The following LARGE1 variants were observed in gnomAD, a reference collection of about 807,000 sequenced individuals.
The protein encoded by LARGE1 is xylosyl- and glucuronyltransferase LARGE1.
Under a neutral mutation model 87.6 loss-of-function variants are expected in LARGE1, and 43 were observed. The observed-to-expected ratio is 0.49, with a 90% confidence interval of 0.38 to 0.63. The LOEUF (loss-of-function observed/expected upper bound fraction) is 0.63, where lower values mean the gene tolerates loss of function less well. Among genes scored for constraint, LARGE1 ranks in the 30% least tolerant of loss-of-function variants. The pLI is 0.00. For missense variants in LARGE1, 802 were observed against 1,000.2 expected (o/e 0.80, Z 2.67); for synonymous variants, 434 against 394.6 (o/e 1.10, Z -1.18).
intron 11 of LARGE1, among the ~76,000 whole-genome samples, chr22:33,202,105 TAAA>T (rs137449): frequency 1.4e-5 from 2 of 143,808 alleles, no homozygotes. Flanking sequence ...CACGGCATGA[TAAA>T]AAAAAAAAAA....
intron 6 of LARGE1, among the ~76,000 whole-genome samples, chr22:33,534,078 G>C (rs540244754): frequency 6.6e-6 from 1 of 152,136 alleles, no homozygotes; most frequent in East Asian, 1.9e-4. Flanking sequence ...TGAGTGTGTG[G>C]GTGGGCTTCT....
chr22:33,712,019 G>A (rs2082744530), intron 2 of LARGE1, among the ~76,000 whole-genome samples: 1 of 152,146 alleles, frequency 6.6e-6, no homozygotes. Flanking sequence ...ATAAAGGTAA[G>A]AGCTAACGTG....
At chr22:33,401,329 C>G (rs1412048761) in intron 7 of LARGE1, among the ~76,000 whole-genome samples, 1 of 152,212 alleles carries the variant, frequency 6.6e-6, no homozygotes, top group Admixed American at 6.6e-5. Context: ...TGAGGTCAGA[C>G]GGGTGACCAA....
At chr22:33,350,222 A>C (rs1056821829) in intron 9 of LARGE1, among the ~76,000 whole-genome samples, 6 of 152,146 alleles carry the variant, frequency 3.9e-5, no homozygotes, top group African/African-American at 1.4e-4. Context: ...ATGGGGGTAA[A>C]AACCAATTTG....
At chr22:33,749,155 C>A (rs1186212582) in intron 2 of LARGE1, among the ~76,000 whole-genome samples, 1 of 152,144 alleles carries the variant, frequency 6.6e-6, no homozygotes, top group Non-Finnish European at 1.5e-5. Context: ...GCTCTTGTTG[C>A]CCAGGCTGGA....
intron 9 of LARGE1, among the ~76,000 whole-genome samples, chr22:33,351,154 T>C (rs1050190324): frequency 6.6e-6 from 1 of 152,224 alleles, no homozygotes; most frequent in African/African-American, 2.4e-5. Flanking sequence ...GTGTAACCAG[T>C]GTCTAGCTCA....
the LARGE1 span, among the ~76,000 whole-genome samples, chr22:33,146,299 T>A: frequency 6.6e-6 from 1 of 152,186 alleles, no homozygotes; most frequent in Admixed American, 6.5e-5. Context: ...TTCAGACTGT[T>A]AGCTACTTAC....
At chr22:33,885,762 G>A (rs2064826631) in intron 1 of LARGE1, among the ~76,000 whole-genome samples, 1 of 152,174 alleles carries the variant, frequency 6.6e-6, no homozygotes, top group African/African-American at 2.4e-5. Flanking sequence ...CGGGCGTGGT[G>A]ACTCACACCT....
chr22:33,133,132 T>G, the LARGE1 span, among the ~76,000 whole-genome samples: 1 of 152,126 alleles, frequency 6.6e-6, no homozygotes, highest in South Asian at 2.1e-4. Flanking sequence ...ATGGAGAAAA[T>G]TTACTGGGTC....
chr22:33,072,724 A>G, the LARGE1 span, among the ~76,000 whole-genome samples: 12 of 152,238 alleles, frequency 7.9e-5, no homozygotes, highest in African/African-American at 2.9e-4. Flanking sequence ...AGCTTGGCAC[A>G]ATCTCATTCT....
chr22:33,131,486 C>T, the LARGE1 span, among the ~76,000 whole-genome samples: 1 of 152,130 alleles, frequency 6.6e-6, no homozygotes, highest in Admixed American at 6.5e-5. Context: ...GAGACTGAGT[C>T]ATTTATAAAG....
intron 3 of LARGE1, among the ~76,000 whole-genome samples, chr22:33,638,587 A>T (rs2080338260): frequency 6.6e-6 from 1 of 152,250 alleles, no homozygotes; most frequent in Admixed American, 6.5e-5. Context: ...ACAGAGCTTC[A>T]GTGCAATGGT....
chr22:33,546,829 C>T (rs2077372933), intron 6 of LARGE1, among the ~76,000 whole-genome samples: 1 of 152,118 alleles, frequency 6.6e-6, no homozygotes, highest in Non-Finnish European at 1.5e-5. Flanking sequence ...GGTTATCCGC[C>T]CACCTTGGCC....
At chr22:33,651,324 G>A (rs1247497951) in intron 2 of LARGE1, among the ~76,000 whole-genome samples, 9 of 144,262 alleles carry the variant, frequency 6.2e-5, no homozygotes, top group African/African-American at 1.3e-4. Flanking sequence ...CCCGGGAGGC[G>A]GAGCTTGCAG....
chr22:33,277,408 C>G (rs1303334080), intron 13 of LARGE1, among the ~76,000 whole-genome samples, 153 bp from the exon 14 acceptor site: 1 of 152,188 alleles, frequency 6.6e-6, no homozygotes, highest in Non-Finnish European at 1.5e-5. Context: ...GTCCTAACCC[C>G]CAGTACCTGT....
At chr22:33,365,328 C>T (rs1569097490) in intron 9 of LARGE1, among the ~76,000 whole-genome samples, 1 of 152,158 alleles carries the variant, frequency 6.6e-6, no homozygotes, top group African/African-American at 2.4e-5. Flanking sequence ...TGTATCCATA[C>T]ACACTCCTAT....
intron 4 of LARGE1, among the ~76,000 whole-genome samples, chr22:33,614,427 T>C (rs945058898): frequency 6.6e-6 from 1 of 152,190 alleles, no homozygotes; most frequent in Non-Finnish European, 1.5e-5. Flanking sequence ...CTTGCTCTAA[T>C]GTAATCACAC....
intron 6 of LARGE1, among the ~76,000 whole-genome samples, chr22:33,460,258 T>C (rs1401761416): frequency 1.3e-5 from 2 of 152,210 alleles, no homozygotes; most frequent in African/African-American, 2.4e-5. Context: ...ATAATAATTA[T>C]CTTTAACAGT....
intron 12 of LARGE1, among the ~76,000 whole-genome samples, chr22:33,290,931 G>C (rs5994711): frequency 0.047 from 7,071 of 151,942 alleles, 544 homozygotes; most frequent in African/African-American, 0.16. Context: ...CCCAGCTACT[G>C]AGGAGGCTGA....
Sources: gnomAD v4.1 joint callset for allele counts (sites outside exome capture counted in the v4.1 genomes callset) on GRCh38, gnomAD v4.1.1 for gene constraint, MANE v1.5 for transcripts, NCBI Gene and HGNC (gene_info 2026-07-23, HGNC 2026-07-21) for gene names.